The following DMRT1 variants were observed in gnomAD, a reference collection of about 807,000 sequenced individuals.
DMRT1 encodes the protein doublesex and mab-3 related transcription factor 1, also known as doublesex- and mab-3-related transcription factor 1.
Under a neutral mutation model 32.3 loss-of-function variants are expected in DMRT1, and 7 were observed. That is an observed-to-expected ratio of 0.22 (90% CI 0.12 to 0.41). The LOEUF (loss-of-function observed/expected upper bound fraction) is 0.41, where lower values mean the gene tolerates loss of function less well. Ranked by LOEUF, DMRT1 falls within the 10% of genes least tolerant of loss-of-function variation. DMRT1 has a pLI of 1.00. For synonymous variants in DMRT1, 278 were observed against 206.1 expected (o/e 1.35, Z -2.99); for missense variants, 625 against 500.5 (o/e 1.25, Z -2.37).
intron 2 of DMRT1, among the ~76,000 whole-genome samples, chr9:869,935 C>T (rs576842084): frequency 4.6e-5 from 7 of 152,164 alleles, no homozygotes; most frequent in African/African-American, 1.7e-4. Context: ...CTTGGCTGAA[C>T]CTGAAGACCC....
chr9:898,863 G>T (rs1182344504), intron 3 of DMRT1, among the ~76,000 whole-genome samples: 1 of 152,116 alleles, frequency 6.6e-6, no homozygotes, highest in African/African-American at 2.4e-5. Context: ...TACAAATTTG[G>T]GTAGTGTGGA....
chr9:930,371 T>C (rs1265637598), intron 4 of DMRT1, among the ~76,000 whole-genome samples: 1 of 152,034 alleles, frequency 6.6e-6, no homozygotes, highest in Non-Finnish European at 1.5e-5. Context: ...TAGATAGGAC[T>C]ACAGGTGTGC....
rs146622024 is a variant in DMRT1, at chr9:891,023, G to A, written c.539-2889G>A. On this transcript the variant is annotated intron_variant, in intron 2 of 4. Transcript: ENST00000382276. ...TGGGATTACAGGCGTGAGCCACCGCGCTCAGCCTTAAACCTTTTTAGAAAA... is the reference window on the plus strand; with the variant it reads ...TGGGATTACAGGCGTGAGCCACCGCACTCAGCCTTAAACCTTTTTAGAAAA... Among the ~76,000 whole-genome samples, 599 of 151,734 alleles carry A rather than the reference G, an allele frequency of 3.9e-3. 2 individuals are homozygous for A. Among genetic ancestry groups the A allele is most frequent in the Non-Finnish European group, 7.1e-3 (480 of 67,918 alleles).
chr9:961,608 A>G (rs1217669196), intron 4 of DMRT1, among the ~76,000 whole-genome samples: 2 of 152,228 alleles, frequency 1.3e-5, no homozygotes, highest in Non-Finnish European at 2.9e-5. Context: ...TGATGTTAAC[A>G]AAGGCCGTTC....
At chr9:869,896 G>A (rs1249356406) in intron 2 of DMRT1, among the ~76,000 whole-genome samples, 1 of 152,158 alleles carries the variant, frequency 6.6e-6, no homozygotes, top group African/African-American at 2.4e-5. Context: ...TGTGTATTCT[G>A]TGGAGTTGGT....
intron 2 of DMRT1, among the ~76,000 whole-genome samples, chr9:865,771 A>G (rs1815955527): frequency 6.6e-6 from 1 of 152,204 alleles, no homozygotes; most frequent in South Asian, 2.1e-4. Context: ...CCGTCCCATT[A>G]GAATATAAAT....
intron 4 of DMRT1, among the ~76,000 whole-genome samples, chr9:944,281 A>T (rs1220480545): frequency 6.6e-6 from 1 of 152,164 alleles, no homozygotes; most frequent in Non-Finnish European, 1.5e-5. Context: ...CCTGATTTTG[A>T]ACCTGCCACA....
rs4742608 is a variant in DMRT1 at position 969,044 on chromosome 9, A to C, written c.*905A>C. ...CTAGTCTAAAAAAATTCATTGTTCT[A>C]CTTAGTTGCAGCTGTACCTGAAATA... On this transcript the variant is annotated 3_prime_UTR_variant, in exon 5 of 5. Transcript: ENST00000382276. 6.6e-6 allele frequency: 1 copy of C among 152,474 alleles called. No individual in the cohort carries two copies. Among genetic ancestry groups the C allele is most frequent in the Non-Finnish European group, 1.5e-5 (1 of 68,028 alleles). 9.4% of individuals were successfully genotyped at this position (152,474 alleles called of 1,614,324 possible).
At position 842,122 on chromosome 9, in the gene DMRT1, G is replaced by T; in HGVS notation, c.284G>T (p.Cys95Phe). Residue 95 changes from cysteine (C) to phenylalanine (F), a missense_variant, in exon 1 of 5, where the codon TGC becomes TTC. Coordinates refer to ENST00000382276, the MANE Select transcript of DMRT1 (RefSeq NM_021951.3). ...ASPLKGHKRF[C>F]MWRDCQCKKC... ...CCGCTCAAGGGCCACAAGCGCTTCT[G>T]CATGTGGCGCGACTGCCAGTGCAAG... 6.5e-7 allele frequency: 1 copy of T among 1,548,260 alleles called. No homozygotes were observed.
intron 2 of DMRT1, among the ~76,000 whole-genome samples, chr9:858,764 C>T (rs963731450): frequency 1.3e-5 from 2 of 151,008 alleles, no homozygotes; most frequent in South Asian, 4.2e-4. Flanking sequence ...ATCCCAACTA[C>T]TTGTGAGGCT....
intron 4 of DMRT1, among the ~76,000 whole-genome samples, chr9:955,343 A>T (rs1188669687): frequency 6.6e-6 from 1 of 152,160 alleles, no homozygotes; most frequent in Non-Finnish European, 1.5e-5. Context: ...TAAAATAGAG[A>T]CAGGACAGTA....
chr9:966,786 T>C (rs2130020989), intron 4 of DMRT1, among the ~76,000 whole-genome samples: 1 of 152,358 alleles, frequency 6.6e-6, no homozygotes, highest in African/African-American at 2.4e-5. Context: ...CTTATTAAAT[T>C]CCAAACATAA....
intron 4 of DMRT1, among the ~76,000 whole-genome samples, chr9:925,798 A>G (rs1818503818): frequency 6.6e-6 from 1 of 152,210 alleles, no homozygotes; most frequent in South Asian, 2.1e-4. Flanking sequence ...ATATTGAAGC[A>G]TAGAGACAGT....
chr9:958,052 T>C (rs868323987), intron 4 of DMRT1, among the ~76,000 whole-genome samples: 4 of 152,222 alleles, frequency 2.6e-5, no homozygotes, highest in African/African-American at 7.2e-5. Context: ...AATTTATGAA[T>C]CTTAAATTTT....
At position 869,217 on chromosome 9, in the gene DMRT1, C is replaced by A. The variant is rs573621376; in HGVS notation, c.538+22074C>A. Among the ~76,000 whole-genome samples, 12 of 152,184 alleles carry A rather than the reference C, an allele frequency of 7.9e-5. No individual in the cohort carries two copies. The South Asian group carries it at 2.5e-3, about 32-fold the overall frequency. ...AATTTCAAGGATATTCTACTAAGGC[C>A]ACAGCTTTTGCCTCTTCCTCCCCTT... On this transcript the variant is annotated intron_variant, in intron 2 of 4. Transcript: ENST00000382276.
intron 4 of DMRT1, among the ~76,000 whole-genome samples, chr9:926,402 A>G (rs1011213031): frequency 6.6e-6 from 1 of 152,242 alleles, no homozygotes; most frequent in Non-Finnish European, 1.5e-5. Flanking sequence ...GCTACTTTCA[A>G]AAATATTTAT....
intron 3 of DMRT1, among the ~76,000 whole-genome samples, chr9:916,013 G>A (rs1335396292): frequency 1.3e-5 from 2 of 152,134 alleles, no homozygotes; most frequent in African/African-American, 4.8e-5. Context: ...GATTACAGAC[G>A]TGAGCCACTG....
chr9:941,338 C>CCCCCCA (rs1554760857), intron 4 of DMRT1, among the ~76,000 whole-genome samples: 3 of 135,510 alleles, frequency 2.2e-5, no homozygotes, highest in African/African-American at 6.1e-5. Flanking sequence ...CTCCCCCCCC[C>CCCCCCA]CACACATATG....
At chr9:958,630 T>A (rs1819671987) in intron 4 of DMRT1, among the ~76,000 whole-genome samples, 1 of 152,126 alleles carries the variant, frequency 6.6e-6, no homozygotes, top group African/African-American at 2.4e-5. Context: ...ACCTCCTAAC[T>A]CTCCGGGGGT....
Sources: gnomAD v4.1 joint callset for allele counts (sites outside exome capture counted in the v4.1 genomes callset) on GRCh38, gnomAD v4.1.1 for gene constraint, MANE v1.5 for transcripts, NCBI Gene and HGNC (gene_info 2026-07-23, HGNC 2026-07-21) for gene names.